The following PADI4 variants were observed in gnomAD, a reference collection of about 807,000 sequenced individuals.
The protein encoded by PADI4 is protein-arginine deiminase type-4.
A neutral mutation model predicts 75.0 loss-of-function variants in PADI4; 62 were observed. The ratio of observed to expected loss-of-function variants is 0.83; its 90% CI spans 0.67 to 1.02. The LOEUF is 1.02. Among genes scored for constraint, PADI4 ranks in the 50% least tolerant of loss-of-function variants. The pLI, the probability that PADI4 is intolerant of heterozygous loss-of-function variation, is 0.00. For synonymous variants in PADI4, 361 were observed against 348.1 expected (o/e 1.04, Z -0.41); for missense variants, 845 against 850.5 (o/e 0.99, Z 0.08).
Position 17,308,273 on chromosome 1 carries a change from C to T in PADI4, c.51C>T (p.Ala17=), listed in dbSNP as rs752860727. Residue 17 remains alanine, a synonymous_variant, in exon 1 of 16, where the codon GCC becomes GCT. Coordinates refer to ENST00000375448, the MANE Select transcript of PADI4 (RefSeq NM_012387.3). ...IRVTPEQPTH[A]VCVLGTLTQL... is the part of the protein sequence containing the mutation. ...TGACCCCAGAGCAGCCCACCCATGC[C>T]GTGTGTGTGCTGGGCACCTTGACTC... 14 of 1,613,966 alleles carry T rather than the reference C, an allele frequency of 8.7e-6. No homozygotes were observed. The Admixed American group carries it at 1.0e-4, about 12-fold the overall frequency.
In PADI4 at chr1:17,346,192, C is replaced by A; in HGVS notation, c.1047+53C>A. On this transcript the variant is annotated intron_variant, in intron 9 of 15. Transcript: ENST00000375448. This position sits in a 1 kb window ranked among gnomAD's most constrained non-coding sequence, Gnocchi z 4.3. ...GACTGTCCCTGAGGGCCAAGAGACA[C>A]TTGGGGGACCCGGGCTCCTGGGGTT... 8.3e-7 allele frequency: 1 copy of A among 1,204,166 alleles called. No homozygotes were observed. The highest frequency in any genetic ancestry group is 1.2e-6 in the Non-Finnish European group (1 of 815,320). The allele number at this position is 1,204,166 out of a possible 1,614,324, so 74.6% of individuals were successfully genotyped here.
At chr1:17,358,134 G>C (rs2074792078) in intron 13 of PADI4, among the ~76,000 whole-genome samples, 2 of 151,798 alleles carry the variant, frequency 1.3e-5, no homozygotes, top group African/African-American at 4.8e-5. Context: ...TGTAATCCCA[G>C]CTACTGGGGA....
chr1:17,320,402 G>T (rs1395490335), intron 1 of PADI4, among the ~76,000 whole-genome samples: 1 of 152,212 alleles, frequency 6.6e-6, no homozygotes, highest in Non-Finnish European at 1.5e-5. Flanking sequence ...AGGAATAAAA[G>T]AATGGCTACT....
At chr1:17,330,439 G>A (rs1196152490) in intron 1 of PADI4, among the ~76,000 whole-genome samples, 3 of 152,176 alleles carry the variant, frequency 2.0e-5, no homozygotes, top group Non-Finnish European at 4.4e-5. Context: ...CCCACGATCT[G>A]CAAGCTGGGG....
At position 17,328,647 on chromosome 1, in the gene PADI4, T is replaced by TA. The variant is rs879594784; in HGVS notation, c.93-2310dup. On this transcript the variant is annotated intron_variant, in intron 1 of 15. Transcript: ENST00000375448. ...GGGTGACAAAGGGAGACCCTGTCTC[T>TA]AAAAAAAAAAAATAAGTTTAACTCT... is the stretch of plus-strand genomic sequence containing the variant. 8.8e-3 allele frequency among the ~76,000 whole-genome samples: 854 copies of TA among 97,040 alleles called. 10 individuals carry two copies. The highest frequency in any genetic ancestry group is 0.027 in the African/African-American group (793 of 29,246). 63.7% of individuals were successfully genotyped at this position (97,040 alleles called of 152,430 possible).
rs1213340918 is a variant in PADI4 at position 17,346,987 on chromosome 1, GA to G, written c.1047+849del. ...TTTTTCACTCTTGTTGCCCAGGCTG[GA>G]GTGCAATGGCTCGATCTCGGCTCAT... On this transcript the variant is annotated intron_variant, in intron 9 of 15. Transcript: ENST00000375448. This position sits in a 1 kb window ranked among gnomAD's most constrained non-coding sequence, Gnocchi z 4.3. Among the ~76,000 whole-genome samples the G allele has an allele frequency of 5.9e-5, 9 of 151,734 alleles. No individual in the cohort carries two copies. Among genetic ancestry groups the G allele is most frequent in the African/African-American group, 2.2e-4 (9 of 41,330 alleles).
At chr1:17,315,515 AAG>A (rs1023396155) in intron 1 of PADI4, among the ~76,000 whole-genome samples, 1 of 152,002 alleles carries the variant, frequency 6.6e-6, no homozygotes, top group Non-Finnish European at 1.5e-5. Flanking sequence ...TATGGAGAGA[AAG>A]AGAACATACT....
chr1:17,338,654 C>T (rs537841321), intron 5 of PADI4, among the ~76,000 whole-genome samples: 3 of 152,292 alleles, frequency 2.0e-5, no homozygotes, highest in African/African-American at 4.8e-5. Flanking sequence ...AGCACTGACA[C>T]GTAGCAGACT....
rs1199784291 is a variant in PADI4, at chr1:17,339,070, T to A, written c.527-618T>A. On this transcript the variant is annotated intron_variant, in intron 5 of 15. Coordinates refer to ENST00000375448, the MANE Select transcript of PADI4 (RefSeq NM_012387.3). ...ACCATTCTACGGTGGGTACAACTCT[T>A]GCCCCTGTCTTAGTGATGAGGAAAC... 2.0e-5 allele frequency among the ~76,000 whole-genome samples: 3 copies of A among 152,300 alleles called. No homozygotes were observed. The East Asian group carries it at 5.8e-4, about 29-fold the overall frequency.
intron 1 of PADI4, among the ~76,000 whole-genome samples, chr1:17,326,220 T>C (rs949014772): frequency 1.3e-5 from 2 of 152,238 alleles, no homozygotes; most frequent in Non-Finnish European, 2.9e-5. Flanking sequence ...GAACCAACTT[T>C]TGGCTTTATT....
intron 3 of PADI4, 150 bp downstream of exon 3, chr1:17,334,159 G>A (rs1329138222): frequency 1.6e-6 from 1 of 629,296 alleles, no homozygotes; most frequent in East Asian, 2.8e-5. Flanking sequence ...AGACATCTGG[G>A]AGTTCGAAAT....
chr1:17,326,938 T>C lies in PADI4; in HGVS notation c.93-4031T>C, dbSNP rs1201904601. 3.7e-5 allele frequency among the ~76,000 whole-genome samples: 5 copies of C among 135,512 alleles called. No individual in the cohort carries two copies. In the East Asian group the frequency reaches 9.3e-4, roughly 25 times the overall value. The allele number at this position is 135,512 out of a possible 152,430, so 88.9% of individuals were successfully genotyped here. On this transcript the variant is annotated intron_variant, in intron 1 of 15. Coordinates refer to ENST00000375448, the MANE Select transcript of PADI4 (RefSeq NM_012387.3). ...TTTTTTTTGAGACACAGTCTCACCC[T>C]CTCACTCTGTCACCCAGGCTGGGGT...
intron 1 of PADI4, among the ~76,000 whole-genome samples, chr1:17,329,752 C>T (rs555249839): frequency 6.6e-6 from 1 of 152,296 alleles, no homozygotes; most frequent in African/African-American, 2.4e-5. Context: ...TTGGATGTCA[C>T]TGTTGTTGAC....
chr1:17,313,783 G>A (rs1252709128), intron 1 of PADI4, among the ~76,000 whole-genome samples: 2 of 152,176 alleles, frequency 1.3e-5, no homozygotes, highest in African/African-American at 2.4e-5. Flanking sequence ...TGGGGCTCAA[G>A]CTCCCAGTGC....
At chr1:17,349,352 G>T (rs1185319845) in intron 10 of PADI4, among the ~76,000 whole-genome samples, 1 of 152,184 alleles carries the variant, frequency 6.6e-6, no homozygotes, top group Non-Finnish European at 1.5e-5. Context: ...GACAACTTTG[G>T]ATGAAGGCAG....
chr1:17,308,340 T>G (rs2073709419), intron 1 of PADI4, 26 bp downstream of exon 1: 1 of 1,579,654 alleles, frequency 6.3e-7, no homozygotes, highest in Non-Finnish European at 8.7e-7. Flanking sequence ...TCTGGGGTTT[T>G]GGAGGCAGGT....
At chr1:17,352,094 TGGGAGGTGGTAGGAGAGACTGTGGTCA>T (rs1410538949) in intron 10 of PADI4, among the ~76,000 whole-genome samples, 12 of 132,584 alleles carry the variant, frequency 9.1e-5, no homozygotes, top group African/African-American at 3.2e-4. Flanking sequence ...AGGGAGGTGA[TGGGAGGTGGTAGGAGAGACTGTGGTCA>T]GAGAGGTGAT....
At chr1:17,320,844 T>C (rs1425575108) in intron 1 of PADI4, among the ~76,000 whole-genome samples, 4 of 152,180 alleles carry the variant, frequency 2.6e-5, no homozygotes, top group Admixed American at 1.3e-4. Context: ...GCCCAGCAGA[T>C]CTCAGCCTTA....
At chr1:17,324,623 C>T (rs1302754846) in intron 1 of PADI4, among the ~76,000 whole-genome samples, 1 of 152,182 alleles carries the variant, frequency 6.6e-6, no homozygotes, top group Non-Finnish European at 1.5e-5. Context: ...TGAGCCACTG[C>T]ACCTGGCCTA....
Sources: allele counts gnomAD v4.1 joint callset (sites outside exome capture counted in the v4.1 genomes callset), GRCh38; gene constraint gnomAD v4.1.1; non-coding constraint Gnocchi (gnomAD v3.1); transcripts MANE v1.5; gene names NCBI Gene and HGNC (gene_info 2026-07-23, HGNC 2026-07-21).